Variants in TNKS observed in about 807,000 individuals in gnomAD.
TNKS encodes tankyrase, also known as poly [ADP-ribose] polymerase tankyrase-1.
In TNKS, 72 loss-of-function variants were observed where a neutral mutation model predicts 135.8. That is an observed-to-expected ratio of 0.53 (90% CI 0.44 to 0.64). TNKS has a LOEUF of 0.64. Ranked by LOEUF, TNKS falls within the 30% of genes least tolerant of loss-of-function variation. The pLI, the probability that TNKS is intolerant of heterozygous loss-of-function variation, is 0.00. For missense variants in TNKS, 1,769 were observed against 1,674.0 expected, an observed-to-expected ratio of 1.06 and a Z score of -0.99; for synonymous variants, 849 against 649.3, an observed-to-expected ratio of 1.31 and a Z score of -4.68.
At chr8:9,571,636 T>C (rs1178157213) in intron 1 of TNKS, among the ~76,000 whole-genome samples, 2 of 152,110 alleles carry the variant, frequency 1.3e-5, no homozygotes, top group Non-Finnish European at 2.9e-5. Context: ...TTTTTATATT[T>C]GTAGTAGAGA....
intron 5 of TNKS, among the ~76,000 whole-genome samples, chr8:9,681,861 A>C (rs1369507941): frequency 1.3e-5 from 2 of 152,068 alleles, no homozygotes; most frequent in Non-Finnish European, 2.9e-5. Flanking sequence ...CTCGGAATAT[A>C]ATTTACGTTC....
Position 9,726,644 on chromosome 8 carries a change from G to A in TNKS, c.1925G>A (p.Ser642Asn), listed in dbSNP as rs750581349. The change falls in exon 13 of 27, where the codon AGT becomes AAT. Residue 642 changes from serine (S) to asparagine (N), a missense_variant. By Grantham distance (46) the Ser-to-Asn change is conservative. Coordinates refer to ENST00000310430, the MANE Select transcript of TNKS (RefSeq NM_003747.3). Reference protein sequence around the residue: ...NEAVQQILSESTPIRTSDVDY... With the variant: ...NEAVQQILSENTPIRTSDVDY... Reference sequence around the variant, plus strand: ...TTCTTTCCTTCCTTTTATGCAGAGAGTACACCTATACGTACTTCTGATGTT... The same window carrying A: ...TTCTTTCCTTCCTTTTATGCAGAGAATACACCTATACGTACTTCTGATGTT... The A allele has an allele frequency of 1.4e-5, 23 of 1,610,054 alleles. No individual in the cohort carries two copies. The Admixed American group carries it at 3.4e-4, about 23-fold the overall frequency.
chr8:9,618,206 C>G (rs927348926), intron 3 of TNKS, among the ~76,000 whole-genome samples: 2 of 152,084 alleles, frequency 1.3e-5, no homozygotes, highest in South Asian at 2.1e-4. Flanking sequence ...AGGCTGATCT[C>G]GAACTCCTGA....
At chr8:9,668,533 A>G (rs1218836629) in intron 3 of TNKS, among the ~76,000 whole-genome samples, 1 of 152,246 alleles carries the variant, frequency 6.6e-6, no homozygotes, top group Non-Finnish European at 1.5e-5. Context: ...CCTTATGATT[A>G]AGACTCAGAA....
At chr8:9,625,093 A>C (rs1005201994) in intron 3 of TNKS, among the ~76,000 whole-genome samples, 7 of 152,018 alleles carry the variant, frequency 4.6e-5, no homozygotes, top group African/African-American at 1.7e-4. Flanking sequence ...TATTTGATTC[A>C]ATTTTAAGTA....
chr8:9,778,592 A>G lies in TNKS; in HGVS notation c.*1856A>G, dbSNP rs562740817. On this transcript the variant is annotated 3_prime_UTR_variant, in exon 27 of 27. Coordinates refer to ENST00000310430, the MANE Select transcript of TNKS (RefSeq NM_003747.3). ...CTTCTTTTGAAGTTTCAGTGACCCA[A>G]GCTGGGTGTTTGTGTCTTGGCTACT... 2 of 152,768 alleles carry G rather than the reference A, an allele frequency of 1.3e-5. No individual in the cohort carries two copies. The highest frequency in any genetic ancestry group is 2.4e-5 in the African/African-American group (1 of 41,586). The allele number at this position is 152,768 out of a possible 1,614,324, so 9.5% of individuals were successfully genotyped here.
intron 2 of TNKS, among the ~76,000 whole-genome samples, chr8:9,609,597 G>A (rs1563114459): frequency 6.6e-6 from 1 of 152,078 alleles, no homozygotes; most frequent in South Asian, 2.1e-4. Context: ...TTCCATACAC[G>A]TTTACCCTCT....
chr8:9,776,347 T>C (rs1563230490), intron 26 of TNKS, among the ~76,000 whole-genome samples: 2 of 152,236 alleles, frequency 1.3e-5, no homozygotes, highest in Non-Finnish European at 2.9e-5. Context: ...GAAAAAGATA[T>C]TAGTGCTACC....
chr8:9,704,924 T>G (rs1803979640), intron 6 of TNKS, among the ~76,000 whole-genome samples, 167 bp downstream of exon 6: 1 of 152,228 alleles, frequency 6.6e-6, no homozygotes, highest in South Asian at 2.1e-4. Context: ...CCTACTTAAT[T>G]AAGGATACTT....
chr8:9,675,889 T>G (rs4427176), intron 3 of TNKS, among the ~76,000 whole-genome samples: 126,836 of 152,056 alleles, frequency 0.83, 53,078 homozygotes, highest in Admixed American at 0.89. Context: ...GAAATTGGGG[T>G]TGAGGTGACA....
At chr8:9,589,405 C>T (rs1798504868) in intron 2 of TNKS, among the ~76,000 whole-genome samples, 1 of 152,156 alleles carries the variant, frequency 6.6e-6, no homozygotes, top group East Asian at 1.9e-4. Flanking sequence ...GAGACAGAAA[C>T]ACACCAGTCA....
intron 2 of TNKS, among the ~76,000 whole-genome samples, chr8:9,600,078 A>T (rs58944302): frequency 6.6e-6 from 1 of 152,146 alleles, no homozygotes; most frequent in East Asian, 1.9e-4. Context: ...CCTATGAGAT[A>T]GGTACTCTAA....
intron 21 of TNKS, among the ~76,000 whole-genome samples, chr8:9,762,820 G>C (rs1004063114): frequency 6.6e-6 from 1 of 151,682 alleles, no homozygotes; most frequent in Non-Finnish European, 1.5e-5. Context: ...CAGGAGAATG[G>C]TGTGAACCCG....
intron 5 of TNKS, among the ~76,000 whole-genome samples, chr8:9,700,656 G>T (rs1803753921): frequency 6.6e-6 from 1 of 151,142 alleles, no homozygotes; most frequent in Non-Finnish European, 1.5e-5. Context: ...TTTCCAACCT[G>T]GAAACTACTC....
At position 9,780,049 on chromosome 8, in the gene TNKS, G is replaced by T. The variant is rs1326794284; in HGVS notation, c.*3313G>T. Reference sequence around the variant, plus strand: ...CTGAATATGGCAAGCAAATAATGTAGATTAACATTCTATTATTGTATCCGT... The same window carrying T: ...CTGAATATGGCAAGCAAATAATGTATATTAACATTCTATTATTGTATCCGT... On this transcript the variant is annotated 3_prime_UTR_variant, in exon 27 of 27. Transcript: ENST00000310430. 6.6e-6 allele frequency: 1 copy of T among 152,070 alleles called. No individual in the cohort carries two copies. The highest frequency in any genetic ancestry group is 1.5e-5 in the Non-Finnish European group (1 of 68,022). The allele number at this position is 152,070 out of a possible 1,614,324, so 9.4% of individuals were successfully genotyped here. A position where few individuals can be genotyped will look rare whatever the true frequency, so the allele number is the denominator to read the frequency against.
At chr8:9,573,668 G>T (rs533302869) in intron 1 of TNKS, among the ~76,000 whole-genome samples, 1 of 152,016 alleles carries the variant, frequency 6.6e-6, no homozygotes, top group East Asian at 1.9e-4. Context: ...ATCTTTTTAC[G>T]CTTAAAAAGC....
intron 5 of TNKS, among the ~76,000 whole-genome samples, chr8:9,691,306 C>T (rs927939527): frequency 6.6e-6 from 1 of 152,112 alleles, no homozygotes; most frequent in African/African-American, 2.4e-5. Context: ...TTTTAGGCAG[C>T]TTCTGTTATG....
intron 2 of TNKS, among the ~76,000 whole-genome samples, chr8:9,595,744 G>A (rs1429445476): frequency 2.0e-5 from 3 of 152,006 alleles, no homozygotes; most frequent in Non-Finnish European, 4.4e-5. Context: ...TTTACTTAAT[G>A]CCCAGGTCTG....
chr8:9,750,746 G>T (rs561694825), intron 18 of TNKS, among the ~76,000 whole-genome samples: 1 of 152,204 alleles, frequency 6.6e-6, no homozygotes, highest in Admixed American at 6.5e-5. Context: ...GGTTTAACGT[G>T]ACAATTTATT....
Sources: gnomAD v4.1 joint callset for allele counts (sites outside exome capture counted in the v4.1 genomes callset) on GRCh38, gnomAD v4.1.1 for gene constraint, MANE v1.5 for transcripts, NCBI Gene and HGNC (gene_info 2026-07-23, HGNC 2026-07-21) for gene names.